The following CATSPERT variants were observed in gnomAD, a reference collection of about 807,000 sequenced individuals.
CATSPERT encodes catsper channel auxiliary subunit tau, also known as cation channel sperm-associated targeting subunit tau.
the CATSPERT span, among the ~76,000 whole-genome samples, chr2:201,609,689 C>T: frequency 5.9e-5 from 9 of 152,112 alleles, no homozygotes; most frequent in African/African-American, 1.9e-4. Context: ...ACAGCAAAAG[C>T]AGTGCTAAGA....
the CATSPERT span, chr2:201,537,339 G>A: frequency 1.0e-6 from 1 of 999,808 alleles, no homozygotes; most frequent in Non-Finnish European, 1.5e-6. Flanking sequence ...TAACTTCTTG[G>A]ATGCCTTTCT....
At chr2:201,564,669 T>C in the CATSPERT span, among the ~76,000 whole-genome samples, 3 of 152,244 alleles carry the variant, frequency 2.0e-5, no homozygotes, top group Admixed American at 1.3e-4. Flanking sequence ...ATAAGAGACA[T>C]GAGAGAGATG....
At chr2:201,541,989 G>A in the CATSPERT span, among the ~76,000 whole-genome samples, 1 of 151,762 alleles carries the variant, frequency 6.6e-6, no homozygotes, top group Non-Finnish European at 1.5e-5. Context: ...GAACTCTTGG[G>A]TTCATGCAAT....
chr2:201,618,988 G>A, the CATSPERT span: 552 of 1,614,064 alleles, frequency 3.4e-4, 1 homozygote, highest in African/African-American at 5.9e-3. Flanking sequence ...GACCGAAGAA[G>A]CCTCCGACCC....
the CATSPERT span, among the ~76,000 whole-genome samples, chr2:201,534,078 ATC>A: frequency 5.2e-4 from 78 of 149,698 alleles, no homozygotes; most frequent in African/African-American, 1.7e-3. Context: ...CTATCTATCT[ATC>A]TATCTATCAA....
chr2:201,511,090 A>T, the CATSPERT span, among the ~76,000 whole-genome samples: 1 of 152,226 alleles, frequency 6.6e-6, no homozygotes, highest in Non-Finnish European at 1.5e-5. Context: ...GGAAAATGCA[A>T]ATTAAAGTAT....
chr2:201,543,016 T>C, the CATSPERT span, among the ~76,000 whole-genome samples: 1 of 152,214 alleles, frequency 6.6e-6, no homozygotes, highest in African/African-American at 2.4e-5. Flanking sequence ...CCATTGAGAA[T>C]TGATTTTTGT....
At chr2:201,586,543 G>A in the CATSPERT span, among the ~76,000 whole-genome samples, 1 of 151,858 alleles carries the variant, frequency 6.6e-6, no homozygotes, top group Non-Finnish European at 1.5e-5. Context: ...TAAAAAGACT[G>A]TCAGACTGGA....
the CATSPERT span, chr2:201,491,748 C>G: frequency 9.2e-4 from 1,407 of 1,537,090 alleles, 4 homozygotes; most frequent in Non-Finnish European, 7.2e-4. Context: ...TGTTTACATG[C>G]TCCTTTCTAT....
the CATSPERT span, among the ~76,000 whole-genome samples, chr2:201,607,965 G>A: frequency 2.5e-3 from 378 of 152,278 alleles, no homozygotes; most frequent in African/African-American, 8.4e-3. Context: ...ATAAATGTCT[G>A]AGGTTTAAAA....
At chr2:201,512,411 A>G in the CATSPERT span, among the ~76,000 whole-genome samples, 1 of 152,128 alleles carries the variant, frequency 6.6e-6, no homozygotes, top group African/African-American at 2.4e-5. Flanking sequence ...AGGACCTCTA[A>G]TATCCTTTTA....
chr2:201,506,294 A>AACAAACAAACAAACAC, the CATSPERT span, among the ~76,000 whole-genome samples: 1 of 151,852 alleles, frequency 6.6e-6, no homozygotes, highest in Non-Finnish European at 1.5e-5. Context: ...CAAACAAACA[A>AACAAACAAACAAACAC]AACACCAAGT....
chr2:201,534,732 T>C, the CATSPERT span: 1 of 979,956 alleles, frequency 1.0e-6, no homozygotes, highest in South Asian at 4.7e-5. Context: ...TTTCTGTAAA[T>C]ACATTAGGAG....
At chr2:201,534,097 G>GATAC in the CATSPERT span, among the ~76,000 whole-genome samples, 2 of 150,266 alleles carry the variant, frequency 1.3e-5, no homozygotes, top group Non-Finnish European at 1.5e-5. Context: ...TCAAATCTGA[G>GATAC]ATATATATAT....
At chr2:201,604,042 T>C in the CATSPERT span, among the ~76,000 whole-genome samples, 1 of 152,144 alleles carries the variant, frequency 6.6e-6, no homozygotes, top group Non-Finnish European at 1.5e-5. Context: ...TCTATATGCA[T>C]GTAGATTCTC....
the CATSPERT span, chr2:201,574,298 A>G: frequency 3.8e-6 from 6 of 1,582,922 alleles, no homozygotes; most frequent in Non-Finnish European, 5.2e-6. Context: ...GATAAATTTT[A>G]TTGTTTGATC....
chr2:201,619,145 C>G, the CATSPERT span: 1 of 1,613,270 alleles, frequency 6.2e-7, no homozygotes, highest in Non-Finnish European at 8.5e-7. Context: ...CCATCTTCTG[C>G]GGCCTGTCTG....
chr2:201,601,617 A>C, the CATSPERT span: 2 of 912,816 alleles, frequency 2.2e-6, no homozygotes, highest in South Asian at 3.7e-5. Flanking sequence ...AAGATACCAA[A>C]TAAAAAGGCA....
At chr2:201,569,941 C>T in the CATSPERT span, among the ~76,000 whole-genome samples, 21 of 152,228 alleles carry the variant, frequency 1.4e-4, no homozygotes, top group Admixed American at 1.0e-3. Flanking sequence ...CCAGCACTTT[C>T]GGAGTCTGAA....
Sources: allele counts gnomAD v4.1 joint callset (sites outside exome capture counted in the v4.1 genomes callset), GRCh38; gene constraint gnomAD v4.1.1; transcripts MANE v1.5; gene names NCBI Gene and HGNC (gene_info 2026-07-23, HGNC 2026-07-21).